COL24A1: variants seen among roughly 807,000 people sequenced by gnomAD.
COL24A1 encodes collagen type XXIV alpha 1 chain.
Under a neutral mutation model 253.9 loss-of-function variants are expected in COL24A1, and 224 were observed. The ratio of observed to expected loss-of-function variants is 0.88; its 90% confidence interval spans 0.79 to 0.99. The LOEUF (loss-of-function observed/expected upper bound fraction) is 0.99, where lower values mean the gene tolerates loss of function less well. Among genes scored for constraint, COL24A1 ranks in the 50% least tolerant of loss-of-function variants. The pLI is 0.00. For missense variants in COL24A1, 2,131 were observed against 2,068.5 expected, an observed-to-expected ratio of 1.03 and a Z score of -0.59; for synonymous variants, 685 against 673.7, an observed-to-expected ratio of 1.02 and a Z score of -0.26.
intron 53 of COL24A1, among the ~76,000 whole-genome samples, chr1:85,768,585 T>TGGGA (rs758888134): frequency 8.9e-6 from 1 of 112,146 alleles, no homozygotes; most frequent in African/African-American, 3.0e-5. Context: ...AGTTCTTTTG[T>TGGGA]GCGGGGGGAG....
At chr1:86,006,618 A>G (rs1423456815) in intron 19 of COL24A1, among the ~76,000 whole-genome samples, 2 of 152,204 alleles carry the variant, frequency 1.3e-5, no homozygotes, top group Non-Finnish European at 2.9e-5. Flanking sequence ...TAGAAACAAC[A>G]CAAAAGACAC....
chr1:85,863,859 C>T (rs1679458727), intron 37 of COL24A1, among the ~76,000 whole-genome samples: 2 of 152,136 alleles, frequency 1.3e-5, no homozygotes, highest in African/African-American at 4.8e-5. Flanking sequence ...TACCATCTCA[C>T]ACCACTTAGA....
chr1:85,875,460 T>C (rs1681043642), intron 33 of COL24A1, 130 bp from the exon 34 acceptor site: 2 of 664,690 alleles, frequency 3.0e-6, no homozygotes, highest in Non-Finnish European at 2.7e-6. Flanking sequence ...ATAAACTTCA[T>C]AGCATAAGAG....
intron 28 of COL24A1, among the ~76,000 whole-genome samples, chr1:85,902,141 A>G (rs11812027): frequency 0.31 from 47,635 of 152,022 alleles, 8,479 homozygotes; most frequent in East Asian, 0.51. Context: ...GGAATGAAGG[A>G]CATACCATCC....
At chr1:85,802,767 C>T (rs1418295603) in intron 47 of COL24A1, among the ~76,000 whole-genome samples, 1 of 152,126 alleles carries the variant, frequency 6.6e-6, no homozygotes, top group African/African-American at 2.4e-5. Context: ...TCCTGAAAAC[C>T]CGATTAGCTT....
At chr1:85,896,299 G>T in intron 29 of COL24A1, 57 bp downstream of exon 29, 1 of 1,439,040 alleles carries the variant, frequency 6.9e-7, no homozygotes, top group Non-Finnish European at 9.8e-7. Context: ...AGACTAGTAG[G>T]ACATATGATC....
chr1:86,112,458 G>A, intron 5 of COL24A1, 109 bp downstream of exon 5: 1 of 885,014 alleles, frequency 1.1e-6, no homozygotes, highest in Non-Finnish European at 1.8e-6. Context: ...AGGTGACAGA[G>A]ATCCTTGATG....
At chr1:85,959,645 C>T (rs1287731018) in intron 24 of COL24A1, among the ~76,000 whole-genome samples, 1 of 152,004 alleles carries the variant, frequency 6.6e-6, no homozygotes, top group Non-Finnish European at 1.5e-5. Flanking sequence ...TGGCACTATA[C>T]CTAGTACATA....
rs1278351976 is a variant in COL24A1, at chr1:85,922,764, G to A, written c.2563-11331C>T. On this transcript the variant is annotated intron_variant, in intron 24 of 59. Coordinates refer to ENST00000370571, the MANE Select transcript of COL24A1 (RefSeq NM_152890.7). ...CTAGGAAGAAACTGCATCAACTAAC[G>A]GGCAAAATAACCAGCTAACATCATA... 5.3e-5 allele frequency among the ~76,000 whole-genome samples: 8 copies of A among 151,978 alleles called. No individual in the cohort carries two copies. The East Asian group carries it at 9.6e-4, about 18-fold the overall frequency.
chr1:85,772,433 T>C (rs1352087286), intron 53 of COL24A1, among the ~76,000 whole-genome samples: 1 of 152,040 alleles, frequency 6.6e-6, no homozygotes, highest in Non-Finnish European at 1.5e-5. Flanking sequence ...GAAATACCAT[T>C]TGACCCAGCC....
rs772857375 is a variant in COL24A1, at chr1:86,017,133, T to C, written c.2310+18A>G. ...ACCATTTTGTTTCAAATTTATTAAC[T>C]TTCCACCAATATTTTACCTCTGGTC... On this transcript the variant is annotated intron_variant, in intron 19 of 59. Coordinates refer to ENST00000370571, the MANE Select transcript of COL24A1 (RefSeq NM_152890.7). 1 of 1,593,122 alleles carries C rather than the reference T, an allele frequency of 6.3e-7. No individual in the cohort carries two copies. Among genetic ancestry groups the C allele is most frequent in the Admixed American group, 1.8e-5 (1 of 56,856 alleles).
chr1:85,896,691 G>A (rs1302564471), intron 28 of COL24A1, among the ~76,000 whole-genome samples: 3 of 152,114 alleles, frequency 2.0e-5, no homozygotes, highest in East Asian at 3.9e-4. Flanking sequence ...GTACAGACGG[G>A]GTTTCACTGT....
rs751660043 is a variant in COL24A1, at chr1:86,017,210, A to T, written c.2257-6T>A. 2.6e-6 allele frequency: 4 copies of T among 1,556,686 alleles called. No individual in the cohort carries two copies. In the Admixed American group the frequency reaches 8.9e-5, roughly 35 times the overall value. ...CCTGGGTCACCTGTTTGGCCCTAAA[A>T]TGGGGGGGGAGGATCAAAGTATAAA... On this transcript the variant is annotated splice_polypyrimidine_tract_variant and splice_region_variant and intron_variant, in intron 18 of 59. Transcript: ENST00000370571.
Position 86,125,628 on chromosome 1 carries a change from T to A in COL24A1, c.708A>T (p.Arg236Ser). 1 of 1,612,954 alleles carries A rather than the reference T, an allele frequency of 6.2e-7. No individual in the cohort carries two copies. The highest frequency in any genetic ancestry group is 8.5e-7 in the Non-Finnish European group (1 of 1,179,324). Residue 236 changes from arginine to serine, a missense_variant, in exon 3 of 60, where the codon AGA becomes AGT. By Grantham distance (110) the Arg-to-Ser change is moderately radical (BLOSUM62 -1). Coordinates refer to ENST00000370571, the MANE Select transcript of COL24A1 (RefSeq NM_152890.7). ...PSAEASADYC[R>S]YVKQQCRQAD... ...CTTGGCGACACTGCTGTTTCACATA[T>A]CTGCAGTAGTCTGCAGATGCTTCTG...
chr1:85,860,879 A>G (rs1679068712), intron 37 of COL24A1, among the ~76,000 whole-genome samples: 1 of 152,244 alleles, frequency 6.6e-6, no homozygotes, highest in Non-Finnish European at 1.5e-5. Flanking sequence ...TTGTCAAATA[A>G]TATTTCGCAT....
intron 6 of COL24A1, among the ~76,000 whole-genome samples, chr1:86,090,593 A>G (rs1703422682): frequency 6.6e-6 from 1 of 152,142 alleles, no homozygotes; most frequent in African/African-American, 2.4e-5. Context: ...CACCAAGTTA[A>G]TGTTTATATT....
chr1:86,030,740 T>C (rs904765660), intron 14 of COL24A1, among the ~76,000 whole-genome samples: 2 of 144,270 alleles, frequency 1.4e-5, no homozygotes, highest in Non-Finnish European at 3.0e-5. Context: ...GCTAATTTTC[T>C]TTTTTCTTTC....
chr1:86,135,293 CTCTT>C (rs1196774826), intron 2 of COL24A1, among the ~76,000 whole-genome samples: 1 of 152,066 alleles, frequency 6.6e-6, no homozygotes, highest in African/African-American at 2.4e-5. Context: ...TGTGTCTTGA[CTCTT>C]TATCCAATTT....
chr1:85,746,078 C>T (rs77796844), intron 55 of COL24A1, among the ~76,000 whole-genome samples: 8,541 of 151,966 alleles, frequency 0.056, 351 homozygotes, highest in Middle Eastern at 0.088. Flanking sequence ...TAGAAAAAGA[C>T]TGAGCACAAC....
Sources: gnomAD v4.1 joint callset for allele counts (sites outside exome capture counted in the v4.1 genomes callset) on GRCh38, gnomAD v4.1.1 for gene constraint, MANE v1.5 for transcripts, NCBI Gene and HGNC (gene_info 2026-07-23, HGNC 2026-07-21) for gene names.